ZNF264: variants seen among roughly 807,000 people sequenced by gnomAD.
ZNF264 encodes the protein zinc finger protein 264.
A neutral mutation model predicts 11.2 loss-of-function variants in ZNF264; 11 were observed. The ratio of observed to expected loss-of-function variants is 0.98; its 90% confidence interval spans 0.62 to 1.63. The LOEUF is 1.63. Among genes scored for constraint, ZNF264 ranks in the 40% most tolerant of loss-of-function variants. The pLI, the probability that ZNF264 is intolerant of heterozygous loss-of-function variation, is 0.00. For synonymous variants in ZNF264, 309 were observed against 279.8 expected (o/e 1.10, Z -1.04); for missense variants, 752 against 768.1 (o/e 0.98, Z 0.25).
At position 57,216,550 on chromosome 19, in the gene ZNF264, T is replaced by C. The variant is rs369433116; in HGVS notation, c.*3569T>C. The C allele has an allele frequency of 1.3e-5, 2 of 152,258 alleles. No individual in the cohort carries two copies. The highest frequency in any genetic ancestry group is 2.4e-5 in the African/African-American group (1 of 41,472). The allele number at this position is 152,258 out of a possible 1,614,324, so 9.4% of individuals were successfully genotyped here. A position where few individuals can be genotyped will look rare whatever the true frequency, so the allele number is the denominator to read the frequency against. ...CCTTTTAATAGTCTTGTCAATACTT[T>C]ACCTGATGTTCTCATAGTGACTCCT... On this transcript the variant is annotated 3_prime_UTR_variant, in exon 4 of 4. Coordinates refer to ENST00000263095, the MANE Select transcript of ZNF264 (RefSeq NM_003417.5).
In ZNF264 at chr19:57,212,929, C is replaced by T. The variant is rs2087352458; in HGVS notation, c.1832C>T (p.Ser611Phe). The T allele has an allele frequency of 6.2e-7, 1 of 1,613,990 alleles. No individual in the cohort carries two copies. The highest frequency in any genetic ancestry group is 1.3e-5 in the African/African-American group (1 of 74,930). ...ANILPEETSSSASDQPYQRET... is the reference protein window; with the variant it reads ...ANILPEETSSFASDQPYQRET... Reference sequence around the variant, plus strand: ...ATTTTGCCAGAGGAAACATCTTCCTCTGCATCTGATCAACCATACCAAAGA... The same window carrying T: ...ATTTTGCCAGAGGAAACATCTTCCTTTGCATCTGATCAACCATACCAAAGA... Residue 611 changes from serine to phenylalanine, a missense_variant, in exon 4 of 4, where the codon TCT becomes TTT. Ser to Phe is a radical substitution (Grantham distance 155). Coordinates refer to ENST00000263095, the MANE Select transcript of ZNF264 (RefSeq NM_003417.5).
At position 57,212,801 on chromosome 19, in the gene ZNF264, T is replaced by C; in HGVS notation, c.1704T>C (p.Ser568=). Residue 568 remains serine (S), a synonymous_variant, in exon 4 of 4, where the codon AGT becomes AGC. Transcript: ENST00000263095. ...TGCATACTGGGAAAAATCCCATCAG[T>C]GTAACAGATGTGGGAAGACCTTTTA... ...QRMHTGKNPI[S]VTDVGRPFTS... 1.9e-6 allele frequency: 3 copies of C among 1,614,200 alleles called. No individual in the cohort carries two copies. The highest frequency in any genetic ancestry group is 1.7e-6 in the Non-Finnish European group (2 of 1,180,032).
intron 1 of ZNF264, chr19:57,192,403 T>C (rs1568470794): frequency 1.2e-5 from 12 of 985,274 alleles, no homozygotes; most frequent in Non-Finnish European, 1.4e-5. Flanking sequence ...TTTTCCTGGA[T>C]GTTCTAGCCA....
At position 57,196,372 on chromosome 19, in the gene ZNF264, C is replaced by G. The variant is rs182680515; in HGVS notation, c.160+2371C>G. Among the ~76,000 whole-genome samples, 29 of 152,094 alleles carry G rather than the reference C, an allele frequency of 1.9e-4. 2 individuals are homozygous for G. Among genetic ancestry groups the G allele is most frequent in the African/African-American group, 6.8e-4 (28 of 41,342 alleles). ...GAGTAAGTGTCTATTCTAGTGAGGA[C>G]AGACCTCTGCCCTTTCCATGATGGA... is the stretch of plus-strand genomic sequence containing the variant. On this transcript the variant is annotated intron_variant, in intron 2 of 3. Coordinates refer to ENST00000263095, the MANE Select transcript of ZNF264 (RefSeq NM_003417.5).
At position 57,212,331 on chromosome 19, in the gene ZNF264, T is replaced by A. The variant is rs1568477115; in HGVS notation, c.1234T>A (p.Ser412Thr). 1.2e-6 allele frequency: 2 copies of A among 1,612,514 alleles called. No homozygotes were observed. ...GTGTGGGAAGGCTTTCAACCACCGA[T>A]CCTACCTCAAGAGGCACCAGCGGAT... ...LECGKAFNHR[S>T]YLKRHQRIHT... The change falls in exon 4 of 4, where the codon TCC becomes ACC. Residue 412 changes from serine to threonine, a missense_variant. Coordinates refer to ENST00000263095, the MANE Select transcript of ZNF264 (RefSeq NM_003417.5).
At position 57,214,883 on chromosome 19, in the gene ZNF264, C is replaced by T. The variant is rs999935865; in HGVS notation, c.*1902C>T. 2 of 152,122 alleles carry T rather than the reference C, an allele frequency of 1.3e-5. No individual in the cohort carries two copies. The highest frequency in any genetic ancestry group is 1.5e-5 in the Non-Finnish European group (1 of 68,026). 9.4% of individuals were successfully genotyped at this position (152,122 alleles called of 1,614,324 possible). On this transcript the variant is annotated 3_prime_UTR_variant, in exon 4 of 4. Coordinates refer to ENST00000263095, the MANE Select transcript of ZNF264 (RefSeq NM_003417.5). ...GATCAAGTTTTGAATATTGAGCCAG[C>T]CTTGCATCCTTAGAATAAACCATAC... is the stretch of plus-strand genomic sequence containing the variant.
intron 3 of ZNF264, among the ~76,000 whole-genome samples, 169 bp downstream of exon 3, chr19:57,205,661 G>A (rs1362127511): frequency 6.6e-6 from 1 of 152,170 alleles, no homozygotes; most frequent in African/African-American, 2.4e-5. Flanking sequence ...GGAGCCCTTT[G>A]ACCTGTGTTT....
At chr19:57,202,075 G>C (rs1568473623) in intron 2 of ZNF264, among the ~76,000 whole-genome samples, 1 of 151,690 alleles carries the variant, frequency 6.6e-6, no homozygotes, top group Non-Finnish European at 1.5e-5. Flanking sequence ...TGGGCGTGGT[G>C]GCACATGCCT....
rs2087427690 is a variant in ZNF264, at chr19:57,222,750, C to G, written c.*9769C>G. On this transcript the variant is annotated 3_prime_UTR_variant, in exon 4 of 4. Transcript: ENST00000263095. ...TTTGTTGCTGCTTTTGAAACTAGTT[C>G]ATGGCTTCAGTGGGGGAGAGATTTA... 1 of 152,100 alleles carries G rather than the reference C, an allele frequency of 6.6e-6. No homozygotes were observed. Among genetic ancestry groups the G allele is most frequent in the Non-Finnish European group, 1.5e-5 (1 of 68,012 alleles). The allele number at this position is 152,100 out of a possible 1,614,324, so 9.4% of individuals were successfully genotyped here. A position where few individuals can be genotyped will look rare whatever the true frequency, so the allele number is the denominator to read the frequency against.
rs118113312 is a variant in ZNF264 at position 57,204,517 on chromosome 19, C to T, written c.161-880C>T. ...GGTTTTATAAAGGGGGGTTCCCCTA[C>T]GCATGCCCTCTTGCCTGCTGCCATG... On this transcript the variant is annotated intron_variant, in intron 2 of 3. Coordinates refer to ENST00000263095, the MANE Select transcript of ZNF264 (RefSeq NM_003417.5). Among the ~76,000 whole-genome samples the T allele has an allele frequency of 3.9e-5, 6 of 152,282 alleles. No individual in the cohort carries two copies. The East Asian group carries it at 5.8e-4, about 15-fold the overall frequency.
intron 3 of ZNF264, among the ~76,000 whole-genome samples, chr19:57,206,410 ATT>A (rs767273252): frequency 6.2e-5 from 9 of 144,644 alleles, no homozygotes; most frequent in Admixed American, 2.1e-4. Context: ...CGCCCAGCTA[ATT>A]TTTTTTTTTT....
At chr19:57,210,928 C>T (rs2087329713) in intron 3 of ZNF264, among the ~76,000 whole-genome samples, 1 of 152,206 alleles carries the variant, frequency 6.6e-6, no homozygotes, top group Non-Finnish European at 1.5e-5. Flanking sequence ...ACAGGAAAAG[C>T]GTACTTCTCT....
chr19:57,204,991 G>A (rs2087281195), intron 2 of ZNF264, among the ~76,000 whole-genome samples: 2 of 152,120 alleles, frequency 1.3e-5, no homozygotes, highest in South Asian at 4.1e-4. Context: ...TGATCACGAT[G>A]TGGACTTCCT....
intron 2 of ZNF264, 104 bp downstream of exon 2, chr19:57,194,105 C>G: frequency 6.8e-7 from 1 of 1,469,300 alleles, no homozygotes; most frequent in Non-Finnish European, 9.1e-7. Context: ...TAGAATCTAC[C>G]TTGCCTCTTT....
chr19:57,197,549 G>C (rs559458201), intron 2 of ZNF264, among the ~76,000 whole-genome samples: 2 of 152,012 alleles, frequency 1.3e-5, no homozygotes, highest in East Asian at 3.9e-4. Context: ...GGTCTTAGGG[G>C]CCAAGTGGCA....
Position 57,213,815 on chromosome 19 carries a change from G to C in ZNF264, c.*834G>C, listed in dbSNP as rs1232539083. On this transcript the variant is annotated 3_prime_UTR_variant, in exon 4 of 4. Coordinates refer to ENST00000263095, the MANE Select transcript of ZNF264 (RefSeq NM_003417.5). ...TGTTAAGAATTGGTATCTTTACTATGTTGGGTCTTGTAGTTCATGAGTGCA... is the reference window on the plus strand; with the variant it reads ...TGTTAAGAATTGGTATCTTTACTATCTTGGGTCTTGTAGTTCATGAGTGCA... 1 of 152,168 alleles carries C rather than the reference G, an allele frequency of 6.6e-6. No homozygotes were observed. Among genetic ancestry groups the C allele is most frequent in the African/African-American group, 2.4e-5 (1 of 41,442 alleles). The allele number at this position is 152,168 out of a possible 1,614,324, so 9.4% of individuals were successfully genotyped here.
At chr19:57,203,479 C>T (rs1048027238) in intron 2 of ZNF264, among the ~76,000 whole-genome samples, 1 of 152,084 alleles carries the variant, frequency 6.6e-6, no homozygotes, top group African/African-American at 2.4e-5. Context: ...CTGACATGAA[C>T]CTAAACTTAC....
At chr19:57,208,158 A>G (rs1370061723) in intron 3 of ZNF264, among the ~76,000 whole-genome samples, 1 of 152,220 alleles carries the variant, frequency 6.6e-6, no homozygotes, top group African/African-American at 2.4e-5. Flanking sequence ...CCCAGCCTCG[A>G]GTTTCTTACA....
chr19:57,208,019 C>T (rs2122758411), intron 3 of ZNF264, among the ~76,000 whole-genome samples: 1 of 152,024 alleles, frequency 6.6e-6, no homozygotes. Flanking sequence ...AGCCACTGCG[C>T]CTGGCCATAT....
Sources: gnomAD v4.1 joint callset for allele counts (sites outside exome capture counted in the v4.1 genomes callset) on GRCh38, gnomAD v4.1.1 for gene constraint, MANE v1.5 for transcripts, NCBI Gene and HGNC (gene_info 2026-07-23, HGNC 2026-07-21) for gene names.